MCCC2: variants seen among roughly 807,000 people sequenced by gnomAD.
The protein encoded by MCCC2 is methylcrotonyl-CoA carboxylase subunit 2, also known as methylcrotonoyl-CoA carboxylase beta chain, mitochondrial.
Under a neutral mutation model 77.2 loss-of-function variants are expected in MCCC2, and 52 were observed. The observed-to-expected ratio is 0.67, with a 90% CI of 0.54 to 0.85. The LOEUF (loss-of-function observed/expected upper bound fraction) is 0.85. Ranked by LOEUF, MCCC2 falls within the 40% of genes least tolerant of loss-of-function variation. The pLI is 0.00. For synonymous variants in MCCC2, 253 were observed against 248.4 expected (o/e 1.02, Z -0.18); for missense variants, 682 against 703.2 (o/e 0.97, Z 0.34).
intron 9 of MCCC2, 54 bp from the exon 10 acceptor site, chr5:71,635,097 C>G (rs1746871419): frequency 1.9e-6 from 3 of 1,612,186 alleles, no homozygotes; most frequent in Non-Finnish European, 2.5e-6. Context: ...TTTTGACTCA[C>G]TGCACCTTGA....
At chr5:71,616,699 T>A (rs1746165672) in intron 6 of MCCC2, among the ~76,000 whole-genome samples, 1 of 152,234 alleles carries the variant, frequency 6.6e-6, no homozygotes, top group East Asian at 1.9e-4. Flanking sequence ...CATCCTTGGC[T>A]CTTTTCTCTG....
intron 13 of MCCC2, among the ~76,000 whole-genome samples, chr5:71,646,505 G>A (rs1230073580): frequency 6.6e-6 from 1 of 152,128 alleles, no homozygotes. Flanking sequence ...GGGCCTACAG[G>A]CATGTGCCAC....
At chr5:71,643,756 T>C in intron 11 of MCCC2, 63 bp from the exon 12 acceptor site, 1 of 1,613,684 alleles carries the variant, frequency 6.2e-7, no homozygotes, top group Non-Finnish European at 8.5e-7. Flanking sequence ...TATGCCTCTT[T>C]CTTGTGAATT....
At chr5:71,639,767 G>C (rs1747058429) in intron 10 of MCCC2, among the ~76,000 whole-genome samples, 1 of 152,144 alleles carries the variant, frequency 6.6e-6, no homozygotes, top group African/African-American at 2.4e-5. Context: ...CGTGTTGATT[G>C]CTTGTTAAAG....
At chr5:71,618,495 T>TCCTTCCTTCCTTCCTG (rs1746247741) in intron 6 of MCCC2, among the ~76,000 whole-genome samples, 33 of 13,862 alleles carry the variant, frequency 2.4e-3, no homozygotes, top group African/African-American at 5.7e-3. Context: ...CCTTCTTCCT[T>TCCTTCCTTCCTTCCTG]CCTTCCTTCC....
At position 71,635,132 on chromosome 5, in the gene MCCC2, A is replaced by G. The variant is rs766072826; in HGVS notation, c.904-19A>G. On this transcript the variant is annotated intron_variant, in intron 9 of 16. Coordinates refer to ENST00000340941, the MANE Select transcript of MCCC2 (RefSeq NM_022132.5). ...AAATCATGTCTTTAAACAGGTTAAC[A>G]TGATCTATATTTCTGCAGGTCACCA... 9 of 1,613,616 alleles carry G rather than the reference A, an allele frequency of 5.6e-6. No individual in the cohort carries two copies. Among genetic ancestry groups the G allele is most frequent in the East Asian group, 2.2e-5 (1 of 44,880 alleles).
Position 71,656,957 on chromosome 5 carries a change from T to A in MCCC2, c.*97T>A. On this transcript the variant is annotated 3_prime_UTR_variant, in exon 17 of 17. Coordinates refer to ENST00000340941, the MANE Select transcript of MCCC2 (RefSeq NM_022132.5). The stretch of plus-strand genomic sequence containing the variant: ...CTTCTCGAACATGAGGCTGTTACAG[T>A]AATTTTTTTAACACTGTGCATTGTA... 1 of 898,174 alleles carries A rather than the reference T, an allele frequency of 1.1e-6. No individual in the cohort carries two copies. The highest frequency in any genetic ancestry group is 1.9e-6 in the Non-Finnish European group (1 of 537,920). 55.6% of individuals were successfully genotyped at this position (898,174 alleles called of 1,614,324 possible).
intron 6 of MCCC2, among the ~76,000 whole-genome samples, chr5:71,610,251 T>G (rs1157283230): frequency 6.6e-6 from 1 of 152,216 alleles, no homozygotes; most frequent in Non-Finnish European, 1.5e-5. Context: ...CCGAGCCAGG[T>G]GCGGGATATA....
intron 10 of MCCC2, 38 bp downstream of exon 10, chr5:71,635,284 G>T (rs754517382): frequency 2.6e-6 from 4 of 1,562,100 alleles, no homozygotes; most frequent in African/African-American, 1.4e-5. Context: ...ATGACCAGCT[G>T]TGAGTCTCTT....
intron 6 of MCCC2, among the ~76,000 whole-genome samples, chr5:71,617,670 T>C (rs928459942): frequency 6.6e-6 from 1 of 152,244 alleles, no homozygotes; most frequent in African/African-American, 2.4e-5. Context: ...TAATCACTTC[T>C]AACTTCAATT....
chr5:71,650,261 T>C, intron 15 of MCCC2, 78 bp downstream of exon 15: 2 of 1,192,826 alleles, frequency 1.7e-6, no homozygotes, highest in South Asian at 2.5e-5. Context: ...GCAGCGTGCC[T>C]GGAAGCCCTT....
intron 16 of MCCC2, among the ~76,000 whole-genome samples, chr5:71,652,983 T>A (rs1195113701): frequency 6.6e-6 from 1 of 152,266 alleles, no homozygotes; most frequent in East Asian, 1.9e-4. Flanking sequence ...ACCAGTGGTC[T>A]GATTCTCGCT....
At position 71,598,136 on chromosome 5, in the gene MCCC2, G is replaced by A. The variant is rs182815688; in HGVS notation, c.282-1523G>A. Among the ~76,000 whole-genome samples the A allele has an allele frequency of 2.0e-3, 300 of 149,872 alleles. 1 individual carries two copies. Among genetic ancestry groups the A allele is most frequent in the African/African-American group, 7.1e-3 (288 of 40,692 alleles). ...TCACCAGGCTGGAGTGCAGTGGCGC[G>A]ATCTCCGTTCACTTAACCTCCGCCT... is the stretch of plus-strand genomic sequence containing the variant. On this transcript the variant is annotated intron_variant, in intron 3 of 16. Coordinates refer to ENST00000340941, the MANE Select transcript of MCCC2 (RefSeq NM_022132.5).
At position 71,623,033 on chromosome 5, in the gene MCCC2, G is replaced by T. The variant is rs1020717827; in HGVS notation, c.625-3607G>T. ...CTGTTCATGAAAAAAGAAAAAAAAA[G>T]TTCTACATATTGTCTGCCATCTCTG... On this transcript the variant is annotated intron_variant, in intron 6 of 16. Transcript: ENST00000340941. 3.9e-5 allele frequency among the ~76,000 whole-genome samples: 6 copies of T among 152,230 alleles called. No homozygotes were observed. The East Asian group carries it at 1.2e-3, about 29-fold the overall frequency.
At chr5:71,637,281 C>T (rs1373682956) in intron 10 of MCCC2, among the ~76,000 whole-genome samples, 3 of 152,086 alleles carry the variant, frequency 2.0e-5, no homozygotes, top group Non-Finnish European at 4.4e-5. Context: ...CATTTTAAAG[C>T]ACAGGCACAC....
At chr5:71,651,118 A>C (rs895721633) in intron 15 of MCCC2, among the ~76,000 whole-genome samples, 6 of 152,220 alleles carry the variant, frequency 3.9e-5, no homozygotes, top group African/African-American at 1.4e-4. Flanking sequence ...TATCTGAGGC[A>C]TAAAGATGTT....
intron 13 of MCCC2, among the ~76,000 whole-genome samples, chr5:71,648,801 C>T (rs534471169): frequency 1.3e-5 from 2 of 152,310 alleles, no homozygotes; most frequent in South Asian, 4.1e-4. Flanking sequence ...GGGGGTGAGT[C>T]ACTGCACCCA....
chr5:71,604,802 A>T (rs901920828), intron 6 of MCCC2, among the ~76,000 whole-genome samples: 14 of 147,498 alleles, frequency 9.5e-5, no homozygotes, highest in African/African-American at 3.0e-4. Context: ...TCATTGTTCA[A>T]TTCCCACCTA....
At chr5:71,618,939 A>G (rs959319779) in intron 6 of MCCC2, among the ~76,000 whole-genome samples, 1 of 152,176 alleles carries the variant, frequency 6.6e-6, no homozygotes, top group African/African-American at 2.4e-5. Flanking sequence ...TTGTTTTAGT[A>G]TAAGCAACAA....
Sources: gnomAD v4.1 joint callset for allele counts (sites outside exome capture counted in the v4.1 genomes callset) on GRCh38, gnomAD v4.1.1 for gene constraint, MANE v1.5 for transcripts, NCBI Gene and HGNC (gene_info 2026-07-23, HGNC 2026-07-21) for gene names.